Variants in IGF1R observed in about 807,000 individuals in gnomAD.
The protein encoded by IGF1R is insulin-like growth factor 1 receptor.
A neutral mutation model predicts 144.6 loss-of-function variants in IGF1R; 44 were observed. That is an observed-to-expected ratio of 0.30 (90% CI 0.24 to 0.39). The LOEUF is 0.39. IGF1R is among the 10% of genes least tolerant of loss of function. The pLI is 1.00. For missense variants in IGF1R, 1,355 were observed against 1,833.7 expected (o/e 0.74, Z 4.77); for synonymous variants, 795 against 722.8 (o/e 1.10, Z -1.60).
intron 1 of IGF1R, among the ~76,000 whole-genome samples, chr15:98,661,249 C>T (rs888795787): frequency 6.6e-6 from 1 of 152,138 alleles, no homozygotes; most frequent in African/African-American, 2.4e-5. Flanking sequence ...CATTGAAGCA[C>T]CCTCTCCAAC....
chr15:98,844,340 G>A (rs186726187), intron 2 of IGF1R, among the ~76,000 whole-genome samples: 214 of 152,256 alleles, frequency 1.4e-3, no homozygotes, highest in Middle Eastern at 6.8e-3. Context: ...CAATTTATAC[G>A]TTGGGATAAG....
intron 5 of IGF1R, among the ~76,000 whole-genome samples, chr15:98,902,537 C>A (rs1434891684): frequency 6.6e-6 from 1 of 151,540 alleles, no homozygotes; most frequent in Non-Finnish European, 1.5e-5. Flanking sequence ...CCTGCCTCAG[C>A]CTCCTGAATA....
At chr15:98,944,852 G>A (rs2684792) in intron 19 of IGF1R, among the ~76,000 whole-genome samples, 77,128 of 152,144 alleles carry the variant, frequency 0.51, 21,099 homozygotes, top group Non-Finnish European at 0.62. Flanking sequence ...CTTGCTCTTA[G>A]CAAATCTTTC....
intron 1 of IGF1R, among the ~76,000 whole-genome samples, chr15:98,706,282 AG>A (rs2053860188): frequency 6.6e-6 from 1 of 152,264 alleles, no homozygotes; most frequent in Non-Finnish European, 1.5e-5. Context: ...TACATCAGTC[AG>A]AAAACTTCAC....
chr15:98,904,634 C>T (rs1193545619), intron 5 of IGF1R, among the ~76,000 whole-genome samples: 4 of 152,180 alleles, frequency 2.6e-5, no homozygotes, highest in Non-Finnish European at 4.4e-5. Context: ...GGCTCTGTTG[C>T]TGATGACAGC....
intron 2 of IGF1R, among the ~76,000 whole-genome samples, chr15:98,862,674 AT>A (rs1057462161): frequency 6.6e-5 from 10 of 152,160 alleles, no homozygotes; most frequent in African/African-American, 2.2e-4. Context: ...TGGAGGTGGG[AT>A]TTTTGAGTTT....
intron 2 of IGF1R, among the ~76,000 whole-genome samples, chr15:98,812,781 C>A (rs780152464): frequency 6.6e-6 from 1 of 151,494 alleles, no homozygotes; most frequent in Non-Finnish European, 1.5e-5. Context: ...GAATTTCTTA[C>A]GTATTAATAT....
rs750032832 is a variant in IGF1R at position 98,957,153 on chromosome 15, C to T, written c.3815C>T (p.Pro1272Leu). ...IISSIKEEME[P>L]GFREVSFYYS... ...AGCAGCATCAAAGAGGAGATGGAGC[C>T]TGGCTTCCGGGAGGTCTCCTTCTAC... The change falls in exon 21 of 21, where the codon CCT becomes CTT. Residue 1272 changes from proline (P) to leucine (L), a missense_variant. Coordinates refer to ENST00000650285, the MANE Select transcript of IGF1R (RefSeq NM_000875.5). 4.3e-6 allele frequency: 7 copies of T among 1,614,260 alleles called. No homozygotes were observed. Among genetic ancestry groups the T allele is most frequent in the Non-Finnish European group, 5.9e-6 (7 of 1,180,048 alleles).
chr15:98,906,564 G>A lies in IGF1R; in HGVS notation c.1248-2121G>A, dbSNP rs566306134. Among the ~76,000 whole-genome samples, 25 of 152,356 alleles carry A rather than the reference G, an allele frequency of 1.6e-4. No individual in the cohort carries two copies. The South Asian group carries it at 5.0e-3, about 30-fold the overall frequency. ...CAGCAGTGTCACCTGCAGCCTGGTA[G>A]TGAGAAACAGCAGGTATGGATGGGG... On this transcript the variant is annotated intron_variant, in intron 5 of 20. Transcript: ENST00000650285.
chr15:98,811,879 C>T (rs1230552405), intron 2 of IGF1R, among the ~76,000 whole-genome samples: 2 of 152,154 alleles, frequency 1.3e-5, no homozygotes, highest in African/African-American at 2.4e-5. Flanking sequence ...TGAGAGATCG[C>T]GCCACTGCAG....
chr15:98,774,691 G>T (rs1245561486), intron 2 of IGF1R, among the ~76,000 whole-genome samples: 4 of 150,066 alleles, frequency 2.7e-5, no homozygotes, highest in Non-Finnish European at 5.9e-5. Flanking sequence ...GCGGTGGTGG[G>T]GGGGTGGGGG....
chr15:98,887,911 T>A (rs147336010), intron 2 of IGF1R, among the ~76,000 whole-genome samples: 3 of 152,212 alleles, frequency 2.0e-5, no homozygotes, highest in Non-Finnish European at 4.4e-5. Context: ...CCTAAAACTT[T>A]CCATGGTTTC....
Position 98,919,365 on chromosome 15 carries a change from GC to G in IGF1R, c.2201+2492del, listed in dbSNP as rs570083604. Reference sequence around the variant, plus strand: ...GGAAGTTTGTTTTTCTCTATCATGGGCCCTTGGTTACGTTGCTGTCTTGTTC... The same window carrying G: ...GGAAGTTTGTTTTTCTCTATCATGGGCCTTGGTTACGTTGCTGTCTTGTTC... On this transcript the variant is annotated intron_variant, in intron 10 of 20. Transcript: ENST00000650285. Among the ~76,000 whole-genome samples the G allele has an allele frequency of 3.3e-3, 509 of 152,320 alleles. 3 individuals are homozygous for G. Among genetic ancestry groups the G allele is most frequent in the Non-Finnish European group, 4.9e-3 (333 of 68,028 alleles).
chr15:98,732,821 T>C (rs1048229917), intron 2 of IGF1R, among the ~76,000 whole-genome samples: 10 of 151,906 alleles, frequency 6.6e-5, no homozygotes, highest in African/African-American at 2.4e-4. Flanking sequence ...TCTAGGAGGT[T>C]TTTGGAAACA....
rs2014221804 is a variant in IGF1R at position 98,896,796 on chromosome 15, C to T, written c.993C>T (p.Val331=). The T allele has an allele frequency of 6.2e-7, 1 of 1,613,822 alleles. No homozygotes were observed. The highest frequency in any genetic ancestry group is 8.5e-7 in the Non-Finnish European group (1 of 1,179,928). ...CIPCEGPCPK[V]CEEEKKTKTI... The stretch of plus-strand genomic sequence containing the variant: ...CTTGTGAAGGTCCTTGCCCGAAGGT[C>T]TGTGAGGAAGAAAAGAAAACAAAGA... Residue 331 remains valine, a synonymous_variant, in exon 4 of 21, where the codon GTC becomes GTT. Transcript: ENST00000650285.
chr15:98,888,761 C>A (rs2013766957), intron 2 of IGF1R, among the ~76,000 whole-genome samples: 1 of 152,112 alleles, frequency 6.6e-6, no homozygotes, highest in African/African-American at 2.4e-5. Flanking sequence ...GGGATTAGTT[C>A]AGTTGCATAT....
intron 18 of IGF1R, among the ~76,000 whole-genome samples, chr15:98,941,263 G>A (rs1333017864): frequency 6.6e-6 from 1 of 152,244 alleles, no homozygotes. Flanking sequence ...ACAGGGCAGG[G>A]CCTCTCCAGA....
intron 1 of IGF1R, among the ~76,000 whole-genome samples, chr15:98,652,862 T>C (rs1215253322): frequency 6.6e-6 from 1 of 152,036 alleles, no homozygotes. Context: ...GCTCTAAATA[T>C]ACTTAAAACC....
chr15:98,770,230 G>A (rs983192153), intron 2 of IGF1R, among the ~76,000 whole-genome samples: 1 of 152,156 alleles, frequency 6.6e-6, no homozygotes. Flanking sequence ...GGGATTAAAA[G>A]TTAGAGGAAG....
Sources: allele counts gnomAD v4.1 joint callset (sites outside exome capture counted in the v4.1 genomes callset), GRCh38; gene constraint gnomAD v4.1.1; transcripts MANE v1.5; gene names NCBI Gene and HGNC (gene_info 2026-07-23, HGNC 2026-07-21).